Variants in PLEKHG1 observed in about 807,000 individuals in gnomAD.
The protein encoded by PLEKHG1 is pleckstrin homology domain-containing family G member 1.
PLEKHG1 carries 44 observed loss-of-function variants against 100.8 expected under a neutral mutation model. The observed-to-expected ratio is 0.44, with a 90% CI of 0.34 to 0.56. The LOEUF (loss-of-function observed/expected upper bound fraction) is 0.56. PLEKHG1 is among the 20% of genes least tolerant of loss of function. PLEKHG1 has a pLI of 0.01. For synonymous variants in PLEKHG1, 640 were observed against 662.5 expected (o/e 0.97, Z 0.52); for missense variants, 1,545 against 1,720.9 (o/e 0.90, Z 1.81).
chr6:150,803,382 A>G (rs910177011), intron 6 of PLEKHG1, among the ~76,000 whole-genome samples: 1 of 152,230 alleles, frequency 6.6e-6, no homozygotes, highest in Non-Finnish European at 1.5e-5. Context: ...TGTCTTTAAA[A>G]AGGCAATAGT....
At chr6:150,647,271 A>T (rs2881191) in intron 2 of PLEKHG1, among the ~76,000 whole-genome samples, 5 of 152,142 alleles carry the variant, frequency 3.3e-5, no homozygotes, top group Non-Finnish European at 5.9e-5. Flanking sequence ...TGCATATAAA[A>T]AGCAAGATTG....
At chr6:150,771,408 C>T (rs893941275) in intron 3 of PLEKHG1, among the ~76,000 whole-genome samples, 1 of 151,720 alleles carries the variant, frequency 6.6e-6, no homozygotes, top group Non-Finnish European at 1.5e-5. Context: ...CAGAGTGAGA[C>T]TCCATCTTGA....
At chr6:150,658,755 T>C (rs574917521) in intron 3 of PLEKHG1, among the ~76,000 whole-genome samples, 1 of 152,312 alleles carries the variant, frequency 6.6e-6, no homozygotes, top group South Asian at 2.1e-4. Context: ...TCCTCCCTGC[T>C]CCTCACCCTG....
chr6:150,610,468 A>G (rs956741260), intron 1 of PLEKHG1, among the ~76,000 whole-genome samples: 11 of 152,252 alleles, frequency 7.2e-5, no homozygotes, highest in African/African-American at 2.7e-4. Context: ...TCACTAGACT[A>G]CAAGCTCCTT....
intron 3 of PLEKHG1, 27 bp downstream of exon 2, chr6:150,650,813 T>C (rs1434524200): frequency 1.3e-5 from 2 of 152,236 alleles, no homozygotes; most frequent in African/African-American, 2.4e-5. Flanking sequence ...TTTTTGCCCC[T>C]TGAGTATGAA....
At chr6:150,670,377 C>T (rs909333835) in intron 3 of PLEKHG1, among the ~76,000 whole-genome samples, 3 of 152,068 alleles carry the variant, frequency 2.0e-5, no homozygotes, top group Non-Finnish European at 4.4e-5. Flanking sequence ...ATAAACGTTG[C>T]GTTTGTAATA....
chr6:150,813,957 T>C (rs1787702832), intron 10 of PLEKHG1, among the ~76,000 whole-genome samples: 3 of 152,114 alleles, frequency 2.0e-5, no homozygotes, highest in Admixed American at 2.0e-4. Context: ...AAATAAGGGC[T>C]GAGATTTCTG....
At chr6:150,843,531 T>A (rs1395494142) in exon 16 of PLEKHG1, 2 of 152,010 alleles carry the variant, frequency 1.3e-5, no homozygotes, top group Non-Finnish European at 2.9e-5. Context: ...TTTTTTTATA[T>A]AAGTTTACTT....
intron 1 of PLEKHG1, among the ~76,000 whole-genome samples, chr6:150,624,177 C>T (rs1441071184): frequency 6.6e-6 from 1 of 152,194 alleles, no homozygotes; most frequent in Admixed American, 6.5e-5. Context: ...ACCCTAACCT[C>T]CTGTTCCAGG....
chr6:150,802,616 T>C (rs1418398727), intron 6 of PLEKHG1, among the ~76,000 whole-genome samples: 1 of 151,964 alleles, frequency 6.6e-6, no homozygotes, highest in Non-Finnish European at 1.5e-5. Flanking sequence ...TTGAAGTGTT[T>C]TCTGCTTTTA....
chr6:150,682,960 C>A (rs1779985663), intron 3 of PLEKHG1, among the ~76,000 whole-genome samples: 2 of 152,206 alleles, frequency 1.3e-5, no homozygotes, highest in Non-Finnish European at 1.5e-5. Context: ...CAAGACTCCT[C>A]CCTGACGTTA....
chr6:150,696,103 T>C (rs1780531729), intron 3 of PLEKHG1, among the ~76,000 whole-genome samples: 1 of 152,204 alleles, frequency 6.6e-6, no homozygotes, highest in Admixed American at 6.5e-5. Flanking sequence ...TCTATATCAA[T>C]GTTGTAATGA....
chr6:150,658,012 A>C (rs1459904556), intron 3 of PLEKHG1, among the ~76,000 whole-genome samples: 3 of 152,206 alleles, frequency 2.0e-5, no homozygotes, highest in Non-Finnish European at 2.9e-5. Flanking sequence ...AATAAAACAA[A>C]ATTACCCACC....
At chr6:150,679,869 T>G (rs1359279400) in intron 3 of PLEKHG1, among the ~76,000 whole-genome samples, 1 of 151,992 alleles carries the variant, frequency 6.6e-6, no homozygotes, top group Non-Finnish European at 1.5e-5. Context: ...CATGCTGAGG[T>G]CTGACAGGTG....
intron 3 of PLEKHG1, among the ~76,000 whole-genome samples, chr6:150,669,800 G>A (rs1779524758): frequency 6.6e-6 from 1 of 151,990 alleles, no homozygotes; most frequent in South Asian, 2.1e-4. Flanking sequence ...GTTTCACTAT[G>A]TTGGCCAGAC....
chr6:150,755,808 C>CTAA, intron 2 of PLEKHG1, among the ~76,000 whole-genome samples: 1 of 152,248 alleles, frequency 6.6e-6, no homozygotes. Flanking sequence ...AGTGCCTTAC[C>CTAA]CTGTCCTCAG....
At chr6:150,667,240 G>A (rs539698491) in intron 3 of PLEKHG1, among the ~76,000 whole-genome samples, 192 of 152,228 alleles carry the variant, frequency 1.3e-3, no homozygotes, top group Admixed American at 3.3e-3. Context: ...CAAGTTTTTA[G>A]CATCCCTAAA....
chr6:150,717,844 G>C (rs929347448), upstream of PLEKHG1, among the ~76,000 whole-genome samples: 10 of 152,226 alleles, frequency 6.6e-5, no homozygotes, highest in African/African-American at 2.2e-4. Context: ...GGGAGGCCGA[G>C]GAGGGCAGAT....
chr6:150,805,644 C>T (rs1787033623), intron 7 of PLEKHG1, among the ~76,000 whole-genome samples: 2 of 152,110 alleles, frequency 1.3e-5, no homozygotes, highest in African/African-American at 4.8e-5. Context: ...CCTCCTGCCT[C>T]AGCCTCCTTG....
Sources: allele counts gnomAD v4.1 joint callset (sites outside exome capture counted in the v4.1 genomes callset), GRCh38; gene constraint gnomAD v4.1.1; transcripts MANE v1.5; gene names NCBI Gene and HGNC (gene_info 2026-07-23, HGNC 2026-07-21).